Variants in PHTF2 observed in about 807,000 individuals in gnomAD.
PHTF2 encodes putative homeodomain transcription factor 2.
A neutral mutation model predicts 101.2 loss-of-function variants in PHTF2; 60 were observed. That is an observed-to-expected ratio of 0.59 (90% CI 0.48 to 0.73). The LOEUF is 0.73. PHTF2 is among the 30% of genes least tolerant of loss of function. PHTF2 has a pLI of 0.00. For missense variants in PHTF2, 747 were observed against 908.7 expected (o/e 0.82, Z 2.29); for synonymous variants, 311 against 307.3 (o/e 1.01, Z -0.13).
intron 12 of PHTF2, among the ~76,000 whole-genome samples, chr7:77,929,731 G>A (rs1456623805): frequency 6.6e-5 from 10 of 152,084 alleles, no homozygotes; most frequent in Admixed American, 6.6e-4. Flanking sequence ...GAAATATTAT[G>A]AGAGTCAGAT....
Position 77,830,077 on chromosome 7 carries a change from C to T in PHTF2, c.-35-10144C>T, listed in dbSNP as rs543635484. 1.2e-4 allele frequency among the ~76,000 whole-genome samples: 18 copies of T among 152,044 alleles called. No homozygotes were observed. In the South Asian group the frequency reaches 1.5e-3, roughly 12 times the overall value. On this transcript the variant is annotated intron_variant, in intron 1 of 19. Coordinates refer to ENST00000416283, the Ensembl canonical transcript of PHTF2. ...TGTAAACATTTGTGTTTAATATAGG[C>T]GAAAAGTTTTAGGAAAATTCAGAGA...
chr7:77,868,321 A>ATTT (rs1798234510), intron 3 of PHTF2, among the ~76,000 whole-genome samples: 1 of 139,816 alleles, frequency 7.2e-6, no homozygotes, highest in African/African-American at 2.7e-5. Context: ...ATTAAAAAAA[A>ATTT]ATTTTTTTTT....
At chr7:77,816,983 G>A (rs547515369) in intron 1 of PHTF2, among the ~76,000 whole-genome samples, 31 of 152,284 alleles carry the variant, frequency 2.0e-4, no homozygotes, top group African/African-American at 7.0e-4. Context: ...GGGCATGTAG[G>A]TTGATTCCAT....
chr7:77,804,793 A>T (rs1792843866), intron 1 of PHTF2, among the ~76,000 whole-genome samples: 1 of 152,210 alleles, frequency 6.6e-6, no homozygotes, highest in Admixed American at 6.5e-5. Flanking sequence ...AAAAAACAAA[A>T]CAACCATTGG....
At chr7:77,915,311 C>T (rs575145684) in intron 9 of PHTF2, among the ~76,000 whole-genome samples, 6 of 152,058 alleles carry the variant, frequency 3.9e-5, no homozygotes, top group East Asian at 1.9e-4. Context: ...CTCCGCCTCC[C>T]GGGTTCAAGT....
Position 77,864,403 on chromosome 7 carries a change from G to A in PHTF2, c.147+9569G>A, listed in dbSNP as rs539713224. ...CTTGTCACTTATCTTTTTAACACTC[G>A]TCAAAGCCTTTCTTTCATATGTGGT... On this transcript the variant is annotated intron_variant, in intron 3 of 19. Coordinates refer to ENST00000416283, the Ensembl canonical transcript of PHTF2. Among the ~76,000 whole-genome samples, 8 of 152,076 alleles carry A rather than the reference G, an allele frequency of 5.3e-5. No individual in the cohort carries two copies. The East Asian group carries it at 7.7e-4, about 15-fold the overall frequency.
intron 7 of PHTF2, among the ~76,000 whole-genome samples, chr7:77,907,703 CTGTTT>C (rs1801998415): frequency 1.3e-5 from 2 of 152,206 alleles, no homozygotes; most frequent in Admixed American, 1.3e-4. Flanking sequence ...TTTACTTAAT[CTGTTT>C]TGTTAAGTAA....
Position 77,901,752 on chromosome 7 carries a change from C to T in PHTF2, c.287-10C>T. Reference sequence around the variant, plus strand: ...AAATATACTCTGTTGTCCTATTTTACTTTTTTCAGGGTCTGCATTTGCAAA... The same window carrying T: ...AAATATACTCTGTTGTCCTATTTTATTTTTTTCAGGGTCTGCATTTGCAAA... On this transcript the variant is annotated splice_polypyrimidine_tract_variant and intron_variant, in intron 6 of 19. Coordinates refer to ENST00000416283, the Ensembl canonical transcript of PHTF2. 6.9e-7 allele frequency: 1 copy of T among 1,456,128 alleles called. No individual in the cohort carries two copies. The highest frequency in any genetic ancestry group is 9.1e-7 in the Non-Finnish European group (1 of 1,097,948). The allele number at this position is 1,456,128 out of a possible 1,614,324, so 90.2% of individuals were successfully genotyped here.
chr7:77,888,039 C>T (rs908949039), intron 3 of PHTF2, among the ~76,000 whole-genome samples: 2 of 152,124 alleles, frequency 1.3e-5, no homozygotes, highest in African/African-American at 2.4e-5. Flanking sequence ...ATTACTTGTA[C>T]GTTAATTACC....
intron 2 of PHTF2, among the ~76,000 whole-genome samples, chr7:77,851,317 T>G (rs995861134): frequency 3.3e-5 from 5 of 152,174 alleles, no homozygotes; most frequent in African/African-American, 9.7e-5. Context: ...TTGGATTTCT[T>G]CATGGTGCAG....
At chr7:77,806,145 A>C (rs1042271209) in intron 1 of PHTF2, among the ~76,000 whole-genome samples, 1 of 150,976 alleles carries the variant, frequency 6.6e-6, no homozygotes, top group East Asian at 1.9e-4. Flanking sequence ...ATTGCACTCT[A>C]GCCTGGGTGA....
intron 12 of PHTF2, among the ~76,000 whole-genome samples, chr7:77,934,867 G>A (rs1467704593): frequency 6.6e-6 from 1 of 151,994 alleles, no homozygotes; most frequent in Non-Finnish European, 1.5e-5. Context: ...GCTGAGGCAT[G>A]AGCATTGCTT....
At chr7:77,802,554 T>A (rs1792641381) in intron 1 of PHTF2, among the ~76,000 whole-genome samples, 1 of 152,166 alleles carries the variant, frequency 6.6e-6, no homozygotes, top group African/African-American at 2.4e-5. Context: ...AGAGTTTTTT[T>A]ATTTTGAGAC....
At chr7:77,934,596 G>A (rs1233391488) in intron 12 of PHTF2, among the ~76,000 whole-genome samples, 3 of 152,136 alleles carry the variant, frequency 2.0e-5, no homozygotes, top group Non-Finnish European at 2.9e-5. Context: ...CTAAATTTTT[G>A]GATCTGTGAT....
At chr7:77,915,482 A>G (rs1802823792) in intron 9 of PHTF2, among the ~76,000 whole-genome samples, 2 of 152,136 alleles carry the variant, frequency 1.3e-5, no homozygotes, top group Non-Finnish European at 2.9e-5. Context: ...GAGTGCTAGG[A>G]TTACAGGCAT....
chr7:77,945,428 TTTTCAGA>T (rs1249953315), intron 16 of PHTF2, among the ~76,000 whole-genome samples: 2 of 151,924 alleles, frequency 1.3e-5, no homozygotes, highest in African/African-American at 4.8e-5. Flanking sequence ...ATGACTTTTT[TTTTCAGA>T]TACAAGGAAG....
intron 1 of PHTF2, among the ~76,000 whole-genome samples, chr7:77,822,441 G>C (rs1488963373): frequency 1.3e-5 from 2 of 152,136 alleles, no homozygotes; most frequent in African/African-American, 4.8e-5. Flanking sequence ...TTCTCACAGG[G>C]AGTGGTTGGG....
intron 1 of PHTF2, among the ~76,000 whole-genome samples, chr7:77,814,119 T>C (rs1793655798): frequency 1.3e-5 from 2 of 152,210 alleles, no homozygotes; most frequent in Non-Finnish European, 1.5e-5. Context: ...ATCTACCTTC[T>C]TGTAGCTAAT....
At chr7:77,868,434 G>A (rs1255971185) in intron 3 of PHTF2, among the ~76,000 whole-genome samples, 6 of 143,762 alleles carry the variant, frequency 4.2e-5, no homozygotes, top group Non-Finnish European at 8.9e-5. Flanking sequence ...CTTCCAGAGT[G>A]CTGGGACTAC....
Sources: allele counts gnomAD v4.1 joint callset (sites outside exome capture counted in the v4.1 genomes callset), GRCh38; gene constraint gnomAD v4.1.1; transcripts MANE v1.5; gene names NCBI Gene and HGNC (gene_info 2026-07-23, HGNC 2026-07-21).